The following PAX7 variants were observed in gnomAD, a reference collection of about 807,000 sequenced individuals.
PAX7 encodes the protein paired box 7, also known as paired box protein Pax-7.
In PAX7, 18 loss-of-function variants were observed where a neutral mutation model predicts 50.7. The observed-to-expected ratio is 0.36, with a 90% CI of 0.25 to 0.53. The LOEUF is 0.53. Among genes scored for constraint, PAX7 ranks in the 20% least tolerant of loss-of-function variants. The probability of loss-of-function intolerance (pLI) is 0.93; values close to 1 mark genes in which losing one functional copy is unlikely to be tolerated. For synonymous variants in PAX7, 310 were observed against 290.4 expected (o/e 1.07, Z -0.69); for missense variants, 644 against 702.9 (o/e 0.92, Z 0.95).
At position 18,637,047 on chromosome 1, in the gene PAX7, G is replaced by A. The variant is rs373058799; in HGVS notation, c.586+676G>A. ...CCCAGGGTCGGAGGATCGCAGTGGG[G>A]GAGAGACCCAGGCTCCACACACCCT... On this transcript the variant is annotated intron_variant, in intron 4 of 8. Coordinates refer to ENST00000420770, the MANE Select transcript of PAX7 (RefSeq NM_001135254.2). Among the ~76,000 whole-genome samples, 60 of 152,270 alleles carry A rather than the reference G, an allele frequency of 3.9e-4. No homozygotes were observed. In the East Asian group the frequency reaches 8.7e-3, roughly 22 times the overall value.
chr1:18,714,797 G>A (rs555700740), intron 7 of PAX7, among the ~76,000 whole-genome samples: 66 of 152,356 alleles, frequency 4.3e-4, no homozygotes, highest in African/African-American at 1.5e-3. Flanking sequence ...CCTGCCTCCT[G>A]AGAAGCCTAG....
chr1:18,714,423 A>G (rs1157466526), intron 7 of PAX7, among the ~76,000 whole-genome samples: 1 of 152,074 alleles, frequency 6.6e-6, no homozygotes, highest in Admixed American at 6.5e-5. Flanking sequence ...GCATCTAGTA[A>G]GAGCTTAAGA....
chr1:18,722,019 C>T (rs2089501329), intron 7 of PAX7, among the ~76,000 whole-genome samples: 1 of 152,222 alleles, frequency 6.6e-6, no homozygotes, highest in African/African-American at 2.4e-5. Flanking sequence ...CCTCCATTTG[C>T]TCATCTATCA....
chr1:18,654,896 C>T (rs1462126000), intron 4 of PAX7, among the ~76,000 whole-genome samples: 2 of 152,214 alleles, frequency 1.3e-5, no homozygotes, highest in Admixed American at 6.5e-5. Flanking sequence ...CATTTGAATC[C>T]AGGCCTCTCA....
Position 18,745,077 on chromosome 1 carries a change from A to G in PAX7, c.*148A>G. On this transcript the variant is annotated 3_prime_UTR_variant, in exon 9 of 9. Coordinates refer to ENST00000420770, the MANE Select transcript of PAX7 (RefSeq NM_001135254.2). ...TTCTCATCACCAGCCCCCTGGAGGTAGACAGCCAGCTTGTCACTCACCTGT... is the reference window on the plus strand; with the variant it reads ...TTCTCATCACCAGCCCCCTGGAGGTGGACAGCCAGCTTGTCACTCACCTGT... The G allele has an allele frequency of 1.6e-6, 1 of 610,746 alleles. No individual in the cohort carries two copies. The highest frequency in any genetic ancestry group is 2.9e-6 in the Non-Finnish European group (1 of 340,066). The allele number at this position is 610,746 out of a possible 1,614,324, so 37.8% of individuals were successfully genotyped here.
chr1:18,687,715 C>A (rs1024967556), intron 4 of PAX7, among the ~76,000 whole-genome samples: 2 of 140,446 alleles, frequency 1.4e-5, no homozygotes, highest in African/African-American at 5.4e-5. Flanking sequence ...AGACAGAGCT[C>A]TGCCCTCCCC....
intron 7 of PAX7, among the ~76,000 whole-genome samples, chr1:18,717,522 G>C (rs775814300): frequency 2.0e-5 from 3 of 152,142 alleles, no homozygotes; most frequent in Non-Finnish European, 4.4e-5. Context: ...CAGCTCAGAG[G>C]TTGTTTGCTC....
At chr1:18,728,619 G>A (rs1255303319) in intron 7 of PAX7, among the ~76,000 whole-genome samples, 1 of 151,734 alleles carries the variant, frequency 6.6e-6, no homozygotes, top group Non-Finnish European at 1.5e-5. Flanking sequence ...CCAGCACTTT[G>A]GGAGGCCAAG....
chr1:18,664,777 C>T (rs1011047800), intron 4 of PAX7, among the ~76,000 whole-genome samples: 2 of 152,000 alleles, frequency 1.3e-5, no homozygotes, highest in African/African-American at 2.4e-5. Context: ...GCTAGGAGCT[C>T]CCTGTTGTAA....
rs1033608825 is a variant in PAX7, at chr1:18,745,226, G to C, written c.*297G>C. On this transcript the variant is annotated 3_prime_UTR_variant, in exon 9 of 9. Transcript: ENST00000420770. ...TGGCCTCTGTGCCATCTCAGGCATG[G>C]AGATTGGGGCCCACCTTGAACACCT... The C allele has an allele frequency of 3.1e-5, 14 of 444,500 alleles. No homozygotes were observed. The highest frequency in any genetic ancestry group is 5.7e-5 in the Non-Finnish European group (14 of 245,800). 27.5% of individuals were successfully genotyped at this position (444,500 alleles called of 1,614,324 possible).
At chr1:18,685,739 C>G (rs1279992601) in intron 4 of PAX7, among the ~76,000 whole-genome samples, 2 of 152,222 alleles carry the variant, frequency 1.3e-5, no homozygotes, top group Non-Finnish European at 2.9e-5. Flanking sequence ...ATGGGCAAGG[C>G]CCATAGTGGT....
At chr1:18,722,921 A>G (rs1180489163) in intron 7 of PAX7, among the ~76,000 whole-genome samples, 1 of 151,018 alleles carries the variant, frequency 6.6e-6, no homozygotes, top group Non-Finnish European at 1.5e-5. Context: ...CCTACCCTTC[A>G]CCTCCTTTAT....
Position 18,745,118 on chromosome 1 carries a change from G to A in PAX7, c.*189G>A, listed in dbSNP as rs552612865. 2 of 594,024 alleles carry A rather than the reference G, an allele frequency of 3.4e-6. No homozygotes were observed. Among genetic ancestry groups the A allele is most frequent in the African/African-American group, 1.9e-5 (1 of 53,818 alleles). The allele number at this position is 594,024 out of a possible 1,614,324, so 36.8% of individuals were successfully genotyped here. On this transcript the variant is annotated 3_prime_UTR_variant, in exon 9 of 9. Transcript: ENST00000420770. Reference sequence around the variant, plus strand: ...ACTCACCTGTGGTTAGGGATCCAGAGTGATGCCCTTGGAGTCTGCTCCCCA... The same window carrying A: ...ACTCACCTGTGGTTAGGGATCCAGAATGATGCCCTTGGAGTCTGCTCCCCA...
At chr1:18,648,600 C>T (rs1282206660) in intron 4 of PAX7, among the ~76,000 whole-genome samples, 1 of 152,068 alleles carries the variant, frequency 6.6e-6, no homozygotes, top group Non-Finnish European at 1.5e-5. Flanking sequence ...ATCTTGGCCT[C>T]CCAAAGTGCT....
At chr1:18,678,254 A>T (rs2088852014) in intron 4 of PAX7, among the ~76,000 whole-genome samples, 1 of 151,994 alleles carries the variant, frequency 6.6e-6, no homozygotes, top group African/African-American at 2.4e-5. Context: ...TCTACTAAAA[A>T]TACAAAATTA....
chr1:18,725,993 TGCGCGCGCGCGCGTGCGCGC>T (rs1351767629), intron 7 of PAX7, among the ~76,000 whole-genome samples: 45 of 148,618 alleles, frequency 3.0e-4, no homozygotes, highest in Admixed American at 1.3e-3. Flanking sequence ...TGTGTGTGTG[TGCGCGCGCGCGCGTGCGCGC>T]GTGTGTGTGC....
intron 4 of PAX7, among the ~76,000 whole-genome samples, chr1:18,685,216 C>G (rs1372185317): frequency 6.6e-6 from 1 of 152,148 alleles, no homozygotes; most frequent in African/African-American, 2.4e-5. Flanking sequence ...ACACTGCCTG[C>G]CTTCCCCTCC....
intron 7 of PAX7, among the ~76,000 whole-genome samples, chr1:18,717,261 C>G (rs1042904741): frequency 6.6e-6 from 1 of 152,208 alleles, no homozygotes; most frequent in South Asian, 2.1e-4. Context: ...GGAGCCGCCG[C>G]TCGCTCGTCC....
chr1:18,703,794 C>T (rs1238699638), intron 7 of PAX7, among the ~76,000 whole-genome samples: 2 of 152,108 alleles, frequency 1.3e-5, no homozygotes, highest in Admixed American at 6.5e-5. Context: ...CCCAAATATC[C>T]GTGGGGGAAG....
Sources: gnomAD v4.1 joint callset for allele counts (sites outside exome capture counted in the v4.1 genomes callset) on GRCh38, gnomAD v4.1.1 for gene constraint, MANE v1.5 for transcripts, NCBI Gene and HGNC (gene_info 2026-07-23, HGNC 2026-07-21) for gene names.